Variants in MED15 observed in about 807,000 individuals in gnomAD.
The protein encoded by MED15 is mediator of RNA polymerase II transcription subunit 15.
In MED15, 41 loss-of-function variants were observed where a neutral mutation model predicts 118.7. That is an observed-to-expected ratio of 0.35 (90% CI 0.27 to 0.45). MED15 has a LOEUF of 0.45. MED15 is among the 20% of genes least tolerant of loss of function. MED15 has a pLI of 1.00. For missense variants in MED15, 740 were observed against 1,025.5 expected (o/e 0.72, Z 3.80); for synonymous variants, 436 against 413.9 (o/e 1.05, Z -0.65).
chr22:20,544,372 A>C (rs1187569660), intron 2 of MED15, among the ~76,000 whole-genome samples: 1 of 152,182 alleles, frequency 6.6e-6, no homozygotes, highest in Non-Finnish European at 1.5e-5. Flanking sequence ...GGCTTAAAAG[A>C]ACAGAAATTT....
chr22:20,569,858 T>G (rs559708809), intron 8 of MED15, among the ~76,000 whole-genome samples: 8 of 152,172 alleles, frequency 5.3e-5, no homozygotes, highest in Non-Finnish European at 7.4e-5. Context: ...TCTCGGCATG[T>G]CCTCAGGCCT....
chr22:20,574,822 G>A (rs1601624368), intron 8 of MED15: 7 of 359,150 alleles, frequency 1.9e-5, no homozygotes, highest in Non-Finnish European at 3.2e-5. Flanking sequence ...TTAGCGAGGT[G>A]TGTTCAGAAG....
At chr22:20,552,642 C>T (rs544539187) in intron 3 of MED15, 4 of 349,204 alleles carry the variant, frequency 1.1e-5, no homozygotes, top group East Asian at 1.9e-4. Flanking sequence ...AGAAGTTCTC[C>T]GCTGGGCACT....
At chr22:20,517,624 G>T (rs1421852982) in intron 1 of MED15, among the ~76,000 whole-genome samples, 5 of 152,062 alleles carry the variant, frequency 3.3e-5, no homozygotes, top group African/African-American at 9.7e-5. Flanking sequence ...GTCTGAACTC[G>T]TCAGGGCAGG....
intron 5 of MED15, among the ~76,000 whole-genome samples, chr22:20,558,020 G>A (rs868800805): frequency 6.6e-6 from 1 of 152,328 alleles, no homozygotes; most frequent in African/African-American, 2.4e-5. Context: ...GCAGGAGAAT[G>A]GCATGAACCT....
chr22:20,570,406 T>G (rs1337081909), intron 8 of MED15, among the ~76,000 whole-genome samples: 1 of 151,072 alleles, frequency 6.6e-6, no homozygotes, highest in Non-Finnish European at 1.5e-5. Flanking sequence ...TTTTTTTTTT[T>G]TTTGAGACAG....
intron 1 of MED15, among the ~76,000 whole-genome samples, chr22:20,516,949 T>C (rs2054277853): frequency 6.6e-6 from 1 of 152,178 alleles, no homozygotes; most frequent in South Asian, 2.1e-4. Flanking sequence ...TTACTATTTT[T>C]TGAGAAAGGG....
chr22:20,542,279 C>T (rs2055343513), intron 2 of MED15, among the ~76,000 whole-genome samples: 1 of 152,154 alleles, frequency 6.6e-6, no homozygotes, highest in Non-Finnish European at 1.5e-5. Context: ...ATGTTTATAG[C>T]ATCATTATAA....
At chr22:20,525,548 T>C (rs1441470985) in intron 1 of MED15, among the ~76,000 whole-genome samples, 2 of 136,918 alleles carry the variant, frequency 1.5e-5, no homozygotes, top group African/African-American at 5.1e-5. Flanking sequence ...TTTTTTTTTT[T>C]TTTTTGAGAC....
chr22:20,526,065 A>C (rs1322268422), intron 1 of MED15, among the ~76,000 whole-genome samples: 1 of 151,888 alleles, frequency 6.6e-6, no homozygotes, highest in African/African-American at 2.4e-5. Context: ...GACTACAGGC[A>C]TGCACCACTA....
intron 5 of MED15, among the ~76,000 whole-genome samples, chr22:20,561,269 G>A (rs995412040): frequency 2.0e-5 from 3 of 152,010 alleles, no homozygotes; most frequent in Non-Finnish European, 2.9e-5. Flanking sequence ...GCCTGTAATC[G>A]CAGCACTTTG....
intron 1 of MED15, among the ~76,000 whole-genome samples, chr22:20,514,584 T>A (rs2054187897): frequency 6.6e-6 from 1 of 152,030 alleles, no homozygotes; most frequent in African/African-American, 2.4e-5. Context: ...CAGTCCAGTA[T>A]CTGATGAAGT....
At chr22:20,563,068 C>G (rs928632181) in intron 5 of MED15, among the ~76,000 whole-genome samples, 2 of 151,966 alleles carry the variant, frequency 1.3e-5, no homozygotes, top group African/African-American at 4.8e-5. Flanking sequence ...ATCAGAATTG[C>G]TAAAATGAAT....
chr22:20,512,693 G>C (rs1382662631), intron 1 of MED15, among the ~76,000 whole-genome samples: 1 of 144,628 alleles, frequency 6.9e-6, no homozygotes, highest in African/African-American at 2.6e-5. Flanking sequence ...CCAGGTTCAC[G>C]CCATTCTCCT....
intron 1 of MED15, among the ~76,000 whole-genome samples, chr22:20,529,153 GT>G (rs993614316): frequency 2.6e-5 from 4 of 152,100 alleles, no homozygotes; most frequent in East Asian, 1.9e-4. Context: ...ATTCTTCCTG[GT>G]TTTTTTTTCT....
At chr22:20,549,816 A>G (rs957277296) in intron 2 of MED15, among the ~76,000 whole-genome samples, 3 of 152,112 alleles carry the variant, frequency 2.0e-5, no homozygotes, top group African/African-American at 7.2e-5. Context: ...GGTGCTGGGC[A>G]CTGCAGGATG....
chr22:20,553,373 G>A (rs747643667), intron 4 of MED15, among the ~76,000 whole-genome samples, 199 bp downstream of exon 4: 9 of 152,134 alleles, frequency 5.9e-5, no homozygotes, highest in Non-Finnish European at 1.2e-4. Context: ...CTGTGAAGTC[G>A]CATGATCCTC....
At chr22:20,545,648 A>G (rs1261443513) in intron 2 of MED15, among the ~76,000 whole-genome samples, 1 of 152,120 alleles carries the variant, frequency 6.6e-6, no homozygotes, top group African/African-American at 2.4e-5. Context: ...GATGAATAAC[A>G]GGTCTGTTTT....
chr22:20,572,418 C>T (rs947022454), intron 8 of MED15, among the ~76,000 whole-genome samples: 8 of 152,232 alleles, frequency 5.3e-5, no homozygotes, highest in Non-Finnish European at 1.0e-4. Context: ...ATCTTAGAGC[C>T]GAAGAGAGGC....
Sources: allele counts gnomAD v4.1 joint callset (sites outside exome capture counted in the v4.1 genomes callset), GRCh38; gene constraint gnomAD v4.1.1; transcripts MANE v1.5; gene names NCBI Gene and HGNC (gene_info 2026-07-23, HGNC 2026-07-21).